Variants in CDH13 observed in about 807,000 individuals in gnomAD.
CDH13 encodes the protein cadherin-13.
Under a neutral mutation model 63.8 loss-of-function variants are expected in CDH13, and 24 were observed. The ratio of observed to expected loss-of-function variants is 0.38; its 90% CI spans 0.27 to 0.53. CDH13 has a LOEUF of 0.53. Among genes scored for constraint, CDH13 ranks in the 20% least tolerant of loss-of-function variants. The pLI is 0.85. For synonymous variants in CDH13, 503 were observed against 355.3 expected, an observed-to-expected ratio of 1.42 and a Z score of -4.67; for missense variants, 1,049 against 903.1, an observed-to-expected ratio of 1.16 and a Z score of -2.07.
chr16:83,389,778 A>G (rs2091749295), intron 6 of CDH13, among the ~76,000 whole-genome samples: 1 of 152,192 alleles, frequency 6.6e-6, no homozygotes, highest in African/African-American at 2.4e-5. Context: ...AAGTGGTTCC[A>G]CTTTGCCAGG....
At chr16:83,441,219 G>A (rs1598027056) in intron 6 of CDH13, among the ~76,000 whole-genome samples, 2 of 152,140 alleles carry the variant, frequency 1.3e-5, no homozygotes, top group South Asian at 2.1e-4. Flanking sequence ...TCATTTGTTG[G>A]CACTCAATCT....
chr16:83,521,050 C>G (rs2074820744), intron 7 of CDH13, among the ~76,000 whole-genome samples: 3 of 152,116 alleles, frequency 2.0e-5, no homozygotes. Flanking sequence ...ATATATACTT[C>G]ATGTGCTTTT....
At chr16:82,822,038 T>C (rs984515651) in intron 1 of CDH13, among the ~76,000 whole-genome samples, 38 of 152,204 alleles carry the variant, frequency 2.5e-4, no homozygotes, top group African/African-American at 8.7e-4. Context: ...ATTGAGTTCT[T>C]ACTACAGGAT....
intron 2 of CDH13, among the ~76,000 whole-genome samples, chr16:82,988,025 G>A (rs930049207): frequency 2.0e-5 from 3 of 152,186 alleles, no homozygotes; most frequent in Admixed American, 2.0e-4. Flanking sequence ...CCCTGCCAGA[G>A]CATGATACTG....
chr16:83,461,508 T>C (rs2073181254), intron 6 of CDH13, among the ~76,000 whole-genome samples: 1 of 152,002 alleles, frequency 6.6e-6, no homozygotes, highest in Admixed American at 6.6e-5. Flanking sequence ...TTCACTAAAT[T>C]GAGGTGAGAC....
rs34156503 is a variant in CDH13, at chr16:83,672,409, C to CTTTTTTTTTTTTTTT, written c.1284+1457_1284+1471dup. 3.1e-4 allele frequency among the ~76,000 whole-genome samples: 11 copies of CTTTTTTTTTTTTTTT among 35,142 alleles called. 2 individuals carry two copies. Among genetic ancestry groups the CTTTTTTTTTTTTTTT allele is most frequent in the Admixed American group, 5.4e-4 (1 of 1,840 alleles). The allele number at this position is 35,142 out of a possible 152,430, so 23.1% of individuals were successfully genotyped here. ...AGAGTGAGGCAGCTCTCTGGATTCT[C>CTTTTTTTTTTTTTTT]TTTTTTTTTTTTTTTTTTTTTTTTT... On this transcript the variant is annotated intron_variant, in intron 9 of 13. Coordinates refer to ENST00000567109, the MANE Select transcript of CDH13 (RefSeq NM_001257.5).
chr16:82,635,630 A>T (rs1464618545), intron 1 of CDH13, among the ~76,000 whole-genome samples: 1 of 152,194 alleles, frequency 6.6e-6, no homozygotes, highest in Non-Finnish European at 1.5e-5. Context: ...GTAAGAATGG[A>T]AAGGAAAGGC....
intron 5 of CDH13, among the ~76,000 whole-genome samples, chr16:83,321,005 A>G (rs2090211868): frequency 6.6e-6 from 1 of 152,250 alleles, no homozygotes; most frequent in Non-Finnish European, 1.5e-5. Context: ...AACTGAGACC[A>G]TGTGATGCTA....
chr16:83,397,996 G>T (rs1293802158), intron 6 of CDH13: 1 of 132,686 alleles, frequency 7.5e-6, no homozygotes, highest in Non-Finnish European at 1.7e-5. Flanking sequence ...TGCAGGGGAG[G>T]CTTCTGCTGT....
chr16:83,332,533 C>A (rs777563922), intron 5 of CDH13, among the ~76,000 whole-genome samples: 1 of 152,128 alleles, frequency 6.6e-6, no homozygotes. Flanking sequence ...GGAAAAAGGG[C>A]ACGTAAAAAT....
At chr16:83,609,853 C>G (rs77072102) in intron 8 of CDH13, among the ~76,000 whole-genome samples, 4 of 152,294 alleles carry the variant, frequency 2.6e-5, no homozygotes, top group Admixed American at 2.0e-4. Context: ...AAAAGAAACC[C>G]GAACCCATGA....
At position 83,739,630 on chromosome 16, in the gene CDH13, G is replaced by A. The variant is rs552676351; in HGVS notation, c.1539-8478G>A. Among the ~76,000 whole-genome samples, 18 of 152,312 alleles carry A rather than the reference G, an allele frequency of 1.2e-4. No individual in the cohort carries two copies. In the East Asian group the frequency reaches 2.9e-3, roughly 25 times the overall value. On this transcript the variant is annotated intron_variant, in intron 10 of 13. Coordinates refer to ENST00000567109, the MANE Select transcript of CDH13 (RefSeq NM_001257.5). The stretch of plus-strand genomic sequence containing the variant: ...CCAAGGCAACTAAAGGGATGGGAAT[G>A]TCTGGAGCAGCATAGAAGTGGGAGT...
At chr16:83,613,466 A>G (rs996710194) in intron 8 of CDH13, among the ~76,000 whole-genome samples, 10 of 152,178 alleles carry the variant, frequency 6.6e-5, no homozygotes, top group African/African-American at 2.2e-4. Context: ...TAGACTTTCT[A>G]TGCTTCTGTT....
chr16:83,417,751 G>C (rs1305720716), intron 6 of CDH13, among the ~76,000 whole-genome samples: 6 of 152,278 alleles, frequency 3.9e-5, no homozygotes, highest in African/African-American at 1.4e-4. Context: ...CAGCAGACAT[G>C]TATCTCCTGT....
intron 10 of CDH13, among the ~76,000 whole-genome samples, chr16:83,706,347 G>A (rs561379336): frequency 2.6e-5 from 4 of 152,256 alleles, no homozygotes; most frequent in African/African-American, 9.6e-5. Flanking sequence ...CATTCATGAA[G>A]GCCGTCATAA....
chr16:83,627,436 A>G lies in CDH13; in HGVS notation c.1101+24842A>G, dbSNP rs1303666358. Among the ~76,000 whole-genome samples the G allele has an allele frequency of 2.0e-5, 3 of 152,270 alleles. No individual in the cohort carries two copies. The East Asian group carries it at 5.8e-4, about 29-fold the overall frequency. The stretch of plus-strand genomic sequence containing the variant: ...GATCTGAATAGTGCCAACTCCAGGC[A>G]TTAGCTACAAAAGACCTTAATTGCA... On this transcript the variant is annotated intron_variant, in intron 8 of 13. Coordinates refer to ENST00000567109, the MANE Select transcript of CDH13 (RefSeq NM_001257.5).
At chr16:83,249,439 C>A (rs1597593231) in intron 5 of CDH13, among the ~76,000 whole-genome samples, 1 of 152,182 alleles carries the variant, frequency 6.6e-6, no homozygotes, top group South Asian at 2.1e-4. Context: ...CCCACCACAC[C>A]CATTATGTCC....
At chr16:83,138,644 G>A (rs8056454) in intron 4 of CDH13, among the ~76,000 whole-genome samples, 7,832 of 152,258 alleles carry the variant, frequency 0.051, 671 homozygotes, top group African/African-American at 0.18. Flanking sequence ...AAAAACTACT[G>A]TATGGAATTT....
intron 6 of CDH13, among the ~76,000 whole-genome samples, chr16:83,462,732 G>A (rs537620690): frequency 1.2e-4 from 18 of 152,314 alleles, no homozygotes; most frequent in Admixed American, 5.2e-4. Context: ...CTCCAGCCTG[G>A]GTGACAGAGT....
Sources: allele counts gnomAD v4.1 joint callset (sites outside exome capture counted in the v4.1 genomes callset), GRCh38; gene constraint gnomAD v4.1.1; transcripts MANE v1.5; gene names NCBI Gene and HGNC (gene_info 2026-07-23, HGNC 2026-07-21).